Variants in PCDHGA4 observed in about 807,000 individuals in gnomAD.
PCDHGA4 encodes protocadherin gamma-A4.
In PCDHGA4, 38 loss-of-function variants were observed where a neutral mutation model predicts 54.6. That is an observed-to-expected ratio of 0.70 (90% CI 0.54 to 0.91). The LOEUF (loss-of-function observed/expected upper bound fraction) is 0.91. Ranked by LOEUF, PCDHGA4 falls within the 40% of genes least tolerant of loss-of-function variation. PCDHGA4 has a pLI of 0.00. For missense variants in PCDHGA4, 1,298 were observed against 1,220.9 expected (o/e 1.06, Z -0.94); for synonymous variants, 511 against 512.9 (o/e 1.00, Z 0.05).
rs1209475845 is a variant in PCDHGA4 at position 141,357,477 on chromosome 5, C to T, written c.2370C>T (p.Leu790=). Residue 790 remains leucine (L), a synonymous_variant, in exon 1 of 4, where the codon CTC becomes CTT. Transcript: ENST00000571252. The stretch of plus-strand genomic sequence containing the variant: ...AGACCTATTCCCACGAGGTCTCCCT[C>T]ACCGCGGACTCGCGGAAGAGTCACC... ...FLQTYSHEVS[L]TADSRKSHLI... is the part of the protein sequence containing the mutation. 14 of 1,614,102 alleles carry T rather than the reference C, an allele frequency of 8.7e-6. No homozygotes were observed. The highest frequency in any genetic ancestry group is 3.3e-5 in the South Asian group (3 of 91,088).
chr5:141,422,406 T>C, intron 1 of PCDHGA4: 1 of 1,601,224 alleles, frequency 6.2e-7, no homozygotes, highest in South Asian at 1.1e-5. Context: ...ACCTGCCTTT[T>C]AAATTAGAAA....
chr5:141,453,214 A>T (rs1174586625), intron 1 of PCDHGA4, among the ~76,000 whole-genome samples: 2 of 152,058 alleles, frequency 1.3e-5, no homozygotes, highest in African/African-American at 4.8e-5. Flanking sequence ...CGTGCACTTA[A>T]GCGATCCTCC....
chr5:141,456,878 G>A (rs71583646), intron 1 of PCDHGA4, among the ~76,000 whole-genome samples: 21 of 152,162 alleles, frequency 1.4e-4, no homozygotes, highest in African/African-American at 2.4e-4. Flanking sequence ...CAGGAGAATC[G>A]CTTGAACCCG....
intron 1 of PCDHGA4, chr5:141,372,390 G>GA: frequency 6.2e-7 from 1 of 1,614,044 alleles, no homozygotes; most frequent in Non-Finnish European, 8.5e-7. Context: ...AATCTTCGCA[G>GA]ATAGCTTGCA....
intron 1 of PCDHGA4, among the ~76,000 whole-genome samples, chr5:141,480,693 G>C (rs1488899685): frequency 2.6e-5 from 4 of 152,096 alleles, no homozygotes; most frequent in Non-Finnish European, 5.9e-5. Context: ...CTGAAACCCA[G>C]GCCACACCCC....
At chr5:141,394,327 T>C (rs747533347) in intron 1 of PCDHGA4, 1 of 1,613,944 alleles carries the variant, frequency 6.2e-7, no homozygotes. Context: ...TCCTCGTATA[T>C]CTCCATCAAC....
chr5:141,468,853 G>A (rs893773356), intron 1 of PCDHGA4, among the ~76,000 whole-genome samples: 7 of 151,000 alleles, frequency 4.6e-5, no homozygotes, highest in Admixed American at 6.6e-5. Context: ...GCAACAGAGC[G>A]AGACTCCATC....
intron 1 of PCDHGA4, chr5:141,395,104 G>A (rs1420682544): frequency 1.9e-6 from 3 of 1,614,028 alleles, no homozygotes; most frequent in Admixed American, 3.3e-5. Flanking sequence ...GCCGACTCGC[G>A]GAAGAGTCAC....
At chr5:141,435,805 T>C (rs2097780946) in intron 1 of PCDHGA4, among the ~76,000 whole-genome samples, 1 of 152,178 alleles carries the variant, frequency 6.6e-6, no homozygotes, top group African/African-American at 2.4e-5. Flanking sequence ...GTCCCAATTA[T>C]TTTTTCTTTC....
At chr5:141,371,558 A>G in intron 1 of PCDHGA4, 1 of 1,613,764 alleles carries the variant, frequency 6.2e-7, no homozygotes, top group Non-Finnish European at 8.5e-7. Context: ...AACTAAAAGG[A>G]AACTTCCCCT....
Position 141,485,190 on chromosome 5 carries a change from G to C in PCDHGA4, c.2515-9617G>C. 6.2e-7 allele frequency: 1 copy of C among 1,613,920 alleles called. No individual in the cohort carries two copies. Among genetic ancestry groups the C allele is most frequent in the Non-Finnish European group, 8.5e-7 (1 of 1,179,788 alleles). Reference sequence around the variant, plus strand: ...GCGGCAGCAATGCTCCGCAAGGTGAGAAGCTGGACAGAAATCTGGCGGTGG... The same window carrying C: ...GCGGCAGCAATGCTCCGCAAGGTGACAAGCTGGACAGAAATCTGGCGGTGG... On this transcript the variant is annotated intron_variant, in intron 1 of 3. Coordinates refer to ENST00000571252, the MANE Select transcript of PCDHGA4 (RefSeq NM_018917.4). This position sits in a 1 kb window ranked among gnomAD's most constrained non-coding sequence, Gnocchi z 5.7.
In PCDHGA4 at chr5:141,431,450, A is replaced by G; in HGVS notation, c.2515-63357A>G. 2 of 1,613,740 alleles carry G rather than the reference A, an allele frequency of 1.2e-6. No individual in the cohort carries two copies. Among genetic ancestry groups the G allele is most frequent in the South Asian group, 1.1e-5 (1 of 91,082 alleles). Reference sequence around the variant, plus strand: ...CACAGGCACCGCGCGCATCCGCGTGATGGTTCTGGATGCGAACGACAACGC... The same window carrying G: ...CACAGGCACCGCGCGCATCCGCGTGGTGGTTCTGGATGCGAACGACAACGC... On this transcript the variant is annotated intron_variant, in intron 1 of 3. Coordinates refer to ENST00000571252, the MANE Select transcript of PCDHGA4 (RefSeq NM_018917.4). The surrounding 1 kb of genome is among the most constrained non-coding windows in gnomAD (Gnocchi z 4.8).
chr5:141,481,352 C>T (rs1007066307), intron 1 of PCDHGA4, among the ~76,000 whole-genome samples: 3 of 152,222 alleles, frequency 2.0e-5, no homozygotes, highest in East Asian at 1.9e-4. Flanking sequence ...TAAACATCTA[C>T]AGCTGTTCAA....
At chr5:141,496,121 C>G (rs1391009290) in intron 2 of PCDHGA4, among the ~76,000 whole-genome samples, 1 of 152,088 alleles carries the variant, frequency 6.6e-6, no homozygotes, top group Non-Finnish European at 1.5e-5. Context: ...TCCTTCCCTG[C>G]CCCTCACACA....
intron 3 of PCDHGA4, among the ~76,000 whole-genome samples, chr5:141,507,673 G>A (rs184362608): frequency 6.6e-5 from 10 of 152,368 alleles, no homozygotes; most frequent in Admixed American, 2.6e-4. Context: ...AAATCCAGAT[G>A]TTAAAAACAG....
chr5:141,439,226 G>A (rs1337835258), intron 1 of PCDHGA4, among the ~76,000 whole-genome samples: 1 of 151,442 alleles, frequency 6.6e-6, no homozygotes, highest in African/African-American at 2.4e-5. Flanking sequence ...AAAATTCTTA[G>A]AAGCTTCCTA....
chr5:141,419,443 C>G lies in PCDHGA4; in HGVS notation c.2514+61822C>G, dbSNP rs1476796525. ...TCGACCACGAGCAGCTGCGCACCTT[C>G]GAGCTCACGCTGCAGGCCCGCGACC... On this transcript the variant is annotated intron_variant, in intron 1 of 3. Coordinates refer to ENST00000571252, the MANE Select transcript of PCDHGA4 (RefSeq NM_018917.4). 6.2e-7 allele frequency: 1 copy of G among 1,613,080 alleles called. No individual in the cohort carries two copies. Among genetic ancestry groups the G allele is most frequent in the Non-Finnish European group, 8.5e-7 (1 of 1,179,758 alleles).
chr5:141,505,320 C>G, intron 2 of PCDHGA4, 73 bp from the exon 3 acceptor site: 2 of 1,605,358 alleles, frequency 1.2e-6, no homozygotes, highest in Non-Finnish European at 1.7e-6. Context: ...TTTGGGAGCC[C>G]TGGGAGAGGA....
At chr5:141,481,191 C>A (rs1244434918) in intron 1 of PCDHGA4, among the ~76,000 whole-genome samples, 1 of 152,148 alleles carries the variant, frequency 6.6e-6, no homozygotes, top group Non-Finnish European at 1.5e-5. Context: ...GGGCCAGGCC[C>A]AATTTTTTTA....
Sources: allele counts gnomAD v4.1 joint callset (sites outside exome capture counted in the v4.1 genomes callset), GRCh38; gene constraint gnomAD v4.1.1; non-coding constraint Gnocchi (gnomAD v3.1); transcripts MANE v1.5; gene names NCBI Gene and HGNC (gene_info 2026-07-23, HGNC 2026-07-21).